The following ARHGAP20 variants were observed in gnomAD, a reference collection of about 807,000 sequenced individuals.
ARHGAP20 encodes the protein rho GTPase-activating protein 20.
ARHGAP20 carries 34 observed loss-of-function variants against 73.7 expected under a neutral mutation model. The ratio of observed to expected loss-of-function variants is 0.46; its 90% confidence interval spans 0.35 to 0.61. ARHGAP20 has a LOEUF of 0.61. Among genes scored for constraint, ARHGAP20 ranks in the 20% least tolerant of loss-of-function variants. The pLI is 0.00. For synonymous variants in ARHGAP20, 523 were observed against 518.2 expected (o/e 1.01, Z -0.13); for missense variants, 1,314 against 1,420.9 (o/e 0.92, Z 1.21).
rs138974672 is a variant in ARHGAP20 at position 110,604,633 on chromosome 11, T to C, written c.964+1928A>G. Among the ~76,000 whole-genome samples, 5 of 152,318 alleles carry C rather than the reference T, an allele frequency of 3.3e-5. No individual in the cohort carries two copies. The East Asian group carries it at 7.7e-4, about 24-fold the overall frequency. ...TTCATGGAGCTCACATTTTAGTGGA[T>C]GGAAAGACCATGATATCTCAGTGTT... On this transcript the variant is annotated intron_variant, in intron 9 of 14. Transcript: ENST00000683387.
chr11:110,615,466 G>C, intron 5 of ARHGAP20, 87 bp downstream of exon 5: 3 of 1,240,030 alleles, frequency 2.4e-6, no homozygotes, highest in Non-Finnish European at 3.4e-6. Flanking sequence ...AGGAGAAGGG[G>C]AATAATTTGG....
chr11:110,577,078 A>G lies in ARHGAP20; in HGVS notation c.*2292T>C. ...TCTGCAGAATGGCATTTTATTTAACAGACAGCATGGACTTCATACATATCC... is the reference window on the plus strand; with the variant it reads ...TCTGCAGAATGGCATTTTATTTAACGGACAGCATGGACTTCATACATATCC... On this transcript the variant is annotated 3_prime_UTR_variant, in exon 15 of 15. Transcript: ENST00000683387. The G allele has an allele frequency of 2.0e-6, 3 of 1,505,722 alleles. No homozygotes were observed. The highest frequency in any genetic ancestry group is 2.7e-6 in the Non-Finnish European group (3 of 1,125,508). The allele number at this position is 1,505,722 out of a possible 1,614,324, so 93.3% of individuals were successfully genotyped here. A position where few individuals can be genotyped will look rare whatever the true frequency, so the allele number is the denominator to read the frequency against.
In ARHGAP20 at chr11:110,583,622, C is replaced by A. The variant is rs1185658604; in HGVS notation, c.1531G>T (p.Val511Leu). The change falls in exon 13 of 15, where the codon GTG (valine) becomes TTG (leucine). Residue 511 changes from valine (V) to leucine (L), a missense_variant. Val to Leu is a conservative substitution (Grantham distance 32). Around this residue, in one of 3 missense-constraint regions of ARHGAP20, gnomAD observed 230 missense variants for 317.6 expected, o/e 0.72. Transcript: ENST00000683387. Reference sequence around the variant, plus strand: ...CAAAGAATACTTGGAGCGACACACACAGCTAAATTAAATGCAGTCATCTGA... The same window carrying A: ...CAAAGAATACTTGGAGCGACACACAAAGCTAAATTAAATGCAGTCATCTGA... Reference protein sequence around the residue: ...SNQMTAFNLAVCVAPSILWPP... With the variant: ...SNQMTAFNLALCVAPSILWPP... 6.2e-7 allele frequency: 1 copy of A among 1,613,216 alleles called. No homozygotes were observed. The highest frequency in any genetic ancestry group is 8.5e-7 in the Non-Finnish European group (1 of 1,179,548).
In ARHGAP20 at chr11:110,690,527, A is replaced by C; in HGVS notation, c.188+20T>G. 6.2e-7 allele frequency: 1 copy of C among 1,602,546 alleles called. No individual in the cohort carries two copies. Among genetic ancestry groups the C allele is most frequent in the East Asian group, 2.2e-5 (1 of 44,800 alleles). On this transcript the variant is annotated intron_variant, in intron 2 of 14. Coordinates refer to ENST00000683387, the MANE Select transcript of ARHGAP20 (RefSeq NM_001384657.1). ...CTTCCAAGCACATACTGAATGTGTA[A>C]TACAAAGCTTTGCACTTACCTGGTA...
intron 2 of ARHGAP20, among the ~76,000 whole-genome samples, chr11:110,639,723 A>G (rs1245589970): frequency 6.6e-6 from 1 of 152,002 alleles, no homozygotes; most frequent in Non-Finnish European, 1.5e-5. Flanking sequence ...TTCCATTAGC[A>G]TAAGGTATTC....
chr11:110,605,516 G>T (rs17111499), intron 9 of ARHGAP20, among the ~76,000 whole-genome samples: 2 of 151,874 alleles, frequency 1.3e-5, no homozygotes, highest in African/African-American at 4.8e-5. Flanking sequence ...AACACTTAAG[G>T]CAAAAAAAAC....
chr11:110,707,027 G>T (rs187164456), intron 1 of ARHGAP20, among the ~76,000 whole-genome samples: 1 of 152,258 alleles, frequency 6.6e-6, no homozygotes, highest in Admixed American at 6.5e-5. Flanking sequence ...GCCCTTGGGG[G>T]TGTTCTACCA....
intron 2 of ARHGAP20, among the ~76,000 whole-genome samples, chr11:110,648,264 TG>T (rs1949267966): frequency 7.2e-6 from 1 of 139,352 alleles, no homozygotes; most frequent in African/African-American, 2.7e-5. Context: ...AATATATATA[TG>T]TAAATATATA....
intron 1 of ARHGAP20, chr11:110,711,710 G>A: frequency 7.0e-7 from 1 of 1,423,912 alleles, no homozygotes; most frequent in Non-Finnish European, 9.2e-7. Flanking sequence ...CCCTGACTTT[G>A]GGGCTGACAC....
At chr11:110,711,005 C>CA (rs11461759) in intron 1 of ARHGAP20, among the ~76,000 whole-genome samples, 9,929 of 82,056 alleles carry the variant, frequency 0.12, 583 homozygotes, top group Middle Eastern at 0.18. Context: ...TAAGACAAGG[C>CA]AAAAAAAAAA....
chr11:110,668,741 T>A (rs1054524077), intron 2 of ARHGAP20, among the ~76,000 whole-genome samples: 4 of 152,232 alleles, frequency 2.6e-5, no homozygotes, highest in Non-Finnish European at 5.9e-5. Context: ...ATAACTTTTA[T>A]ATGCACTGGG....
chr11:110,702,305 T>A (rs1240791254), intron 1 of ARHGAP20, among the ~76,000 whole-genome samples: 1 of 152,132 alleles, frequency 6.6e-6, no homozygotes, highest in Non-Finnish European at 1.5e-5. Context: ...TCTCAATAGA[T>A]GTAGAAAAGG....
chr11:110,661,748 CTG>C (rs1339338629), intron 2 of ARHGAP20, among the ~76,000 whole-genome samples: 1 of 152,012 alleles, frequency 6.6e-6, no homozygotes, highest in Non-Finnish European at 1.5e-5. Context: ...TATTAAGACA[CTG>C]TTAGTGAGGC....
At chr11:110,609,074 T>G (rs1948303922) in intron 7 of ARHGAP20, 24 bp from the exon 8 acceptor site, 1 of 1,595,938 alleles carries the variant, frequency 6.3e-7, no homozygotes, top group Non-Finnish European at 8.6e-7. Flanking sequence ...GAGTTAAATG[T>G]CACAATAAAT....
chr11:110,628,549 A>G (rs1445682076), intron 3 of ARHGAP20, among the ~76,000 whole-genome samples: 2 of 152,156 alleles, frequency 1.3e-5, no homozygotes, highest in Non-Finnish European at 2.9e-5. Context: ...CATCATCTCA[A>G]ATATCTATGT....
rs1432158648 is a variant in ARHGAP20, at chr11:110,580,540, A to G, written c.2406T>C (p.Ser802=). 1.2e-6 allele frequency: 2 copies of G among 1,614,128 alleles called. No individual in the cohort carries two copies. Among genetic ancestry groups the G allele is most frequent in the East Asian group, 2.2e-5 (1 of 44,894 alleles). Residue 802 remains serine (S), a synonymous_variant, in exon 15 of 15, where the codon TCT becomes TCC. Transcript: ENST00000683387. ...AGGACATAGGACTATAAGATGCCAC[A>G]GAAATGGCCACTGGCTTAGACTTAG... ...LFPKSKPVAI[S]VASYSPMSSQ...
chr11:110,619,340 A>C (rs966159979), intron 4 of ARHGAP20, among the ~76,000 whole-genome samples: 3 of 150,938 alleles, frequency 2.0e-5, no homozygotes, highest in Non-Finnish European at 3.0e-5. Flanking sequence ...GGGTATATGC[A>C]GTGATAGAGT....
chr11:110,614,670 A>C, intron 5 of ARHGAP20, 25 bp from the exon 6 acceptor site: 1 of 1,480,602 alleles, frequency 6.8e-7, no homozygotes, highest in Non-Finnish European at 9.3e-7. Flanking sequence ...CAGCAACCCA[A>C]AACAACACTG....
rs538261426 is a variant in ARHGAP20, at chr11:110,703,342, C to G, written c.105+8785G>C. ...AATAAACATAATAATCTATGTAATG[C>G]AGAAGAATGGGCACTAGGCTAGGAG... On this transcript the variant is annotated intron_variant, in intron 1 of 14. Coordinates refer to ENST00000683387, the MANE Select transcript of ARHGAP20 (RefSeq NM_001384657.1). Among the ~76,000 whole-genome samples, 333 of 152,194 alleles carry G rather than the reference C, an allele frequency of 2.2e-3. 2 individuals carry two copies. The highest frequency in any genetic ancestry group is 7.6e-3 in the African/African-American group (315 of 41,530).
Sources: allele counts gnomAD v4.1 joint callset (sites outside exome capture counted in the v4.1 genomes callset), GRCh38; gene constraint gnomAD v4.1.1; regional missense constraint gnomAD v4.1.1; transcripts MANE v1.5; gene names NCBI Gene and HGNC (gene_info 2026-07-23, HGNC 2026-07-21).